The following CLEC4F variants were observed in gnomAD, a reference collection of about 807,000 sequenced individuals.
The protein encoded by CLEC4F is C-type (calcium dependent, carbohydrate-recognition domain) lectin, superfamily member 13.
In CLEC4F, 45 loss-of-function variants were observed where a neutral mutation model predicts 53.4. The observed-to-expected ratio is 0.84, with a 90% CI of 0.66 to 1.08. The LOEUF (loss-of-function observed/expected upper bound fraction) is 1.08, where lower values mean the gene tolerates loss of function less well. Ranked by LOEUF, CLEC4F falls within the 50% of genes least tolerant of loss-of-function variation. CLEC4F has a pLI of 0.00. For missense variants in CLEC4F, 753 were observed against 698.2 expected (o/e 1.08, Z -0.88); for synonymous variants, 245 against 257.5 (o/e 0.95, Z 0.46).
At chr2:70,815,754 C>T (rs1574375216) in intron 4 of CLEC4F, among the ~76,000 whole-genome samples, 1 of 152,304 alleles carries the variant, frequency 6.6e-6, no homozygotes, top group East Asian at 1.9e-4. Flanking sequence ...CACACACGTG[C>T]ACCATTTACA....
rs782802395 is a variant in CLEC4F, at chr2:70,816,371, T to C, written c.1010A>G (p.Asp337Gly). The change falls in exon 4 of 7, where the codon GAT becomes GGT. Residue 337 changes from aspartate to glycine, a missense_variant. By Grantham distance (94) the Asp-to-Gly change is moderately conservative (BLOSUM62 -1). Transcript: ENST00000272367. ...AGDEIHVLKRDLKMVTAQTQK... is the reference protein window; with the variant it reads ...AGDEIHVLKRGLKMVTAQTQK... ...GGTCTGGGCTGTGACCATTTTCAAA[T>C]CCCTTTTTAACACGTGAATTTCATC... The C allele has an allele frequency of 1.2e-6, 2 of 1,614,040 alleles. No homozygotes were observed. Among genetic ancestry groups the C allele is most frequent in the South Asian group, 2.2e-5 (2 of 91,020 alleles).
chr2:70,820,550 G>T lies in CLEC4F; in HGVS notation c.-27C>A, dbSNP rs782347463. ...TCTGCTTCCTTGATCCTCCAGCACTGCTCCCAGCCACTGGCTCCTGGAAGG... is the reference window on the plus strand; with the variant it reads ...TCTGCTTCCTTGATCCTCCAGCACTTCTCCCAGCCACTGGCTCCTGGAAGG... On this transcript the variant is annotated 5_prime_UTR_variant, in exon 1 of 7. Transcript: ENST00000272367. 7.7e-6 allele frequency: 12 copies of T among 1,567,122 alleles called. No individual in the cohort carries two copies. The Admixed American group carries it at 2.2e-4, about 29-fold the overall frequency.
rs1553393545 is a variant in CLEC4F, at chr2:70,809,348, A to G, written c.1693T>C (p.Tyr565His). The G allele has an allele frequency of 6.2e-7, 1 of 1,612,984 alleles. No individual in the cohort carries two copies. The highest frequency in any genetic ancestry group is 1.1e-5 in the South Asian group (1 of 90,930). ...GSKGSCPLRK[Y>H]IIVNSGMGAC... ...CCCATCCCAGAATTCACAATAATAT[A>G]CTTTCTGAGTGGGCAGGATCCCTTG... The change falls in exon 7 of 7, where the codon TAT becomes CAT. Residue 565 changes from tyrosine (Y) to histidine (H), a missense_variant. Transcript: ENST00000272367.
chr2:70,820,010 A>T, intron 1 of CLEC4F, 119 bp from the exon 2 acceptor site: 1 of 633,778 alleles, frequency 1.6e-6, no homozygotes. Flanking sequence ...TGGGGATGAT[A>T]ACTCCTGCCA....
Position 70,809,265 on chromosome 2 carries a change from T to C in CLEC4F, c.*6A>G, listed in dbSNP as rs1553393472. On this transcript the variant is annotated 3_prime_UTR_variant, in exon 7 of 7. Coordinates refer to ENST00000272367, the MANE Select transcript of CLEC4F (RefSeq NM_173535.3). ...TACCCTGAGGGTGTCTGTGCTCAGG[T>C]TGCTCTTAGTTACTGAGGATCCAGG... 4 of 1,613,576 alleles carry C rather than the reference T, an allele frequency of 2.5e-6. No homozygotes were observed. The African/African-American group carries it at 4.0e-5, about 16-fold the overall frequency.
At chr2:70,821,607 C>T (rs1553398048), upstream of CLEC4F, among the ~76,000 whole-genome samples, 1 of 152,186 alleles carries the variant, frequency 6.6e-6, no homozygotes, top group Non-Finnish European at 1.5e-5. Context: ...CTGTGTACCT[C>T]TTCATCAGGC....
At chr2:70,822,144 G>A (rs1677240993), upstream of CLEC4F, among the ~76,000 whole-genome samples, 1 of 152,136 alleles carries the variant, frequency 6.6e-6, no homozygotes, top group Non-Finnish European at 1.5e-5. Flanking sequence ...CAGTCTTGTG[G>A]GACTGAGGCC....
upstream of CLEC4F, among the ~76,000 whole-genome samples, chr2:70,822,422 T>C (rs1454764082): frequency 6.9e-6 from 1 of 144,846 alleles, no homozygotes; most frequent in Non-Finnish European, 1.5e-5. Context: ...GCCCTATCCC[T>C]TCCAGGAGGA....
chr2:70,808,937 CA>C lies in CLEC4F; in HGVS notation c.*333del. The C allele has an allele frequency of 1.2e-6, 1 of 801,942 alleles. No individual in the cohort carries two copies. 49.7% of individuals were successfully genotyped at this position (801,942 alleles called of 1,614,324 possible). ...TCAGCTCTGGCCTGCCCTCAGGCCA[CA>C]CCCTGGCCCATGGGCTTCTTGCACA... On this transcript the variant is annotated 3_prime_UTR_variant, in exon 7 of 7. Coordinates refer to ENST00000272367, the MANE Select transcript of CLEC4F (RefSeq NM_173535.3).
At chr2:70,824,488 T>G (rs1229006623), upstream of CLEC4F, among the ~76,000 whole-genome samples, 1 of 151,938 alleles carries the variant, frequency 6.6e-6, no homozygotes, top group African/African-American at 2.4e-5. Flanking sequence ...GGTTTTGATT[T>G]CTAACACCAT....
At chr2:70,821,919 ATTT>A (rs1185345053), upstream of CLEC4F, among the ~76,000 whole-genome samples, 2 of 152,050 alleles carry the variant, frequency 1.3e-5, no homozygotes, top group African/African-American at 4.8e-5. Flanking sequence ...TACCTGGCTA[ATTT>A]TTTATTTTTA....
upstream of CLEC4F, among the ~76,000 whole-genome samples, chr2:70,824,426 C>G (rs1553398572): frequency 6.6e-6 from 1 of 151,926 alleles, no homozygotes; most frequent in Admixed American, 6.6e-5. Context: ...ACTTAGCTCT[C>G]TCAGCTGGGA....
chr2:70,821,155 C>T (rs562578179), upstream of CLEC4F, among the ~76,000 whole-genome samples: 1 of 152,202 alleles, frequency 6.6e-6, no homozygotes, highest in Admixed American at 6.5e-5. Context: ...AAATCCCCTG[C>T]AGATACCAAG....
chr2:70,823,575 G>A (rs1171898421), upstream of CLEC4F, among the ~76,000 whole-genome samples: 1 of 152,112 alleles, frequency 6.6e-6, no homozygotes, highest in Non-Finnish European at 1.5e-5. Flanking sequence ...CCAGGAGAGG[G>A]GCATAGTTCT....
chr2:70,820,593 T>G lies in CLEC4F; in HGVS notation c.-70A>C. ...CTGGAAGGGCCGTCCCGTGGACCAA[T>G]GGCAGTGGAAGCAAAGCTGAGACAC... On this transcript the variant is annotated 5_prime_UTR_variant, in exon 1 of 7. Transcript: ENST00000272367. 1 of 1,469,692 alleles carries G rather than the reference T, an allele frequency of 6.8e-7. No individual in the cohort carries two copies. The highest frequency in any genetic ancestry group is 1.3e-5 in the South Asian group (1 of 79,484). The allele number at this position is 1,469,692 out of a possible 1,614,324, so 91.0% of individuals were successfully genotyped here.
rs1676378951 is a variant in CLEC4F at position 70,808,907 on chromosome 2, G to A, written c.*364C>T. 2 of 632,280 alleles carry A rather than the reference G, an allele frequency of 3.2e-6. No homozygotes were observed. Among genetic ancestry groups the A allele is most frequent in the East Asian group, 2.8e-5 (1 of 36,294 alleles). The allele number at this position is 632,280 out of a possible 1,614,324, so 39.2% of individuals were successfully genotyped here. ...GGGTCAGTATTGGCAAGCAGGAGCA[G>A]CCCCTCAGCTCTGGCCTGCCCTCAG... On this transcript the variant is annotated 3_prime_UTR_variant, in exon 7 of 7. Transcript: ENST00000272367.
intron 4 of CLEC4F, 113 bp from the exon 5 acceptor site, chr2:70,812,711 T>G (rs1482070186): frequency 9.2e-7 from 1 of 1,086,386 alleles, no homozygotes; most frequent in East Asian, 2.4e-5. Flanking sequence ...GCCCATGAAA[T>G]TCTTGATGTG....
chr2:70,814,763 T>G (rs1169894123), intron 4 of CLEC4F, among the ~76,000 whole-genome samples: 1 of 150,078 alleles, frequency 6.7e-6, no homozygotes, highest in East Asian at 1.9e-4. Context: ...AAAATTAAGC[T>G]AATAGTTCTC....
chr2:70,820,750 C>G (rs941701554), upstream of CLEC4F: 4 of 510,312 alleles, frequency 7.8e-6, no homozygotes, highest in South Asian at 1.0e-4. Context: ...CTTCCTCTTC[C>G]CATTAGCACC....
Sources: gnomAD v4.1 joint callset for allele counts (sites outside exome capture counted in the v4.1 genomes callset) on GRCh38, gnomAD v4.1.1 for gene constraint, MANE v1.5 for transcripts, NCBI Gene and HGNC (gene_info 2026-07-23, HGNC 2026-07-21) for gene names.